CTNNA1: variants seen among roughly 807,000 people sequenced by gnomAD.
CTNNA1 encodes the protein catenin alpha 1, also known as catenin alpha-1.
CTNNA1 carries 37 observed loss-of-function variants against 98.4 expected under a neutral mutation model. The ratio of observed to expected loss-of-function variants is 0.38; its 90% CI spans 0.29 to 0.49. The LOEUF (loss-of-function observed/expected upper bound fraction) is 0.49, where lower values mean the gene tolerates loss of function less well. Among genes scored for constraint, CTNNA1 ranks in the 20% least tolerant of loss-of-function variants. The pLI is 0.95. For missense variants in CTNNA1, 761 were observed against 1,147.2 expected, an observed-to-expected ratio of 0.66 and a Z score of 4.86; for synonymous variants, 404 against 413.2, an observed-to-expected ratio of 0.98 and a Z score of 0.27.
At chr5:138,892,593 C>A (rs896934560) in intron 9 of CTNNA1, among the ~76,000 whole-genome samples, 2 of 151,834 alleles carry the variant, frequency 1.3e-5, no homozygotes, top group Non-Finnish European at 2.9e-5. Context: ...TCGCCCGCCT[C>A]GGCCTCCCAG....
intron 17 of CTNNA1, 31 bp downstream of exon 17, chr5:138,932,743 G>A (rs768900802): frequency 1.2e-6 from 2 of 1,613,428 alleles, no homozygotes; most frequent in South Asian, 2.2e-5. Context: ...AAGAGGGCCA[G>A]TGGGAACGTG....
rs1196121090 is a variant in CTNNA1, at chr5:138,824,756, G to A, written c.815G>A (p.Gly272Asp). 1 of 1,614,090 alleles carries A rather than the reference G, an allele frequency of 6.2e-7. No individual in the cohort carries two copies. Among genetic ancestry groups the A allele is most frequent in the African/African-American group, 1.3e-5 (1 of 74,944 alleles). ...TASDDASQHQ[G>D]GGGGELAYAL... Reference sequence around the variant, plus strand: ...TCAGACGATGCCTCACAGCACCAGGGTGGAGGAGGAGGAGAACTGGCATAT... The same window carrying A: ...TCAGACGATGCCTCACAGCACCAGGATGGAGGAGGAGGAGAACTGGCATAT... Residue 272 changes from glycine to aspartate, a missense_variant, in exon 6 of 18, where the codon GGT becomes GAT. By Grantham distance (94) the Gly-to-Asp change is moderately conservative (BLOSUM62 -1). Coordinates refer to ENST00000302763, the MANE Select transcript of CTNNA1 (RefSeq NM_001903.5).
Position 138,753,477 on chromosome 5 carries a change from C to G in CTNNA1, c.-36C>G. On this transcript the variant is annotated 5_prime_UTR_variant, in exon 1 of 18. Transcript: ENST00000302763. ...AAAGCAGCGCCCGTCTGCTTCGGGC[C>G]TCTGGAATTTAGCGCTCGCCCAGCT... The G allele has an allele frequency of 2.6e-6, 1 of 379,326 alleles. No homozygotes were observed. The highest frequency in any genetic ancestry group is 4.7e-6 in the Non-Finnish European group (1 of 213,416). The allele number at this position is 379,326 out of a possible 1,614,324, so 23.5% of individuals were successfully genotyped here.
At chr5:138,796,184 A>G (rs1323363014) in intron 3 of CTNNA1, among the ~76,000 whole-genome samples, 7 of 152,170 alleles carry the variant, frequency 4.6e-5, no homozygotes, top group Admixed American at 1.3e-4. Flanking sequence ...CACTTTTCAC[A>G]TTTTCAAAGG....
At chr5:138,870,568 A>G (rs1454232603) in intron 7 of CTNNA1, 1 of 152,192 alleles carries the variant, frequency 6.6e-6, no homozygotes, top group African/African-American at 2.4e-5. Context: ...ATGGTCCTTT[A>G]AGGATTAAGG....
chr5:138,893,351 CTCAGTGTCATCATGTTCGTTCCTA>C (rs1231799759), intron 9 of CTNNA1, among the ~76,000 whole-genome samples: 3 of 152,018 alleles, frequency 2.0e-5, no homozygotes, highest in African/African-American at 7.2e-5. Flanking sequence ...GGTGCTGCTG[CTCAGTGTCATCATGTTCGTTCCTA>C]TCAGCGTGGA....
intron 5 of CTNNA1, among the ~76,000 whole-genome samples, chr5:138,822,014 A>T (rs1760096826): frequency 6.6e-6 from 1 of 152,182 alleles, no homozygotes; most frequent in African/African-American, 2.4e-5. Context: ...TTCTAAAGAG[A>T]GAAAAAAGAA....
intron 3 of CTNNA1, among the ~76,000 whole-genome samples, chr5:138,784,060 C>G (rs1755418894): frequency 6.6e-6 from 1 of 152,194 alleles, no homozygotes; most frequent in South Asian, 2.1e-4. Context: ...AGATAAACTT[C>G]TTGAAACCTG....
At chr5:138,863,875 A>C (rs10042302) in intron 7 of CTNNA1, among the ~76,000 whole-genome samples, 3,482 of 152,278 alleles carry the variant, frequency 0.023, 136 homozygotes, top group African/African-American at 0.081. Context: ...AAATCATAGG[A>C]GTGTCGAAAC....
At chr5:138,773,014 T>C (rs62384267) in intron 1 of CTNNA1, among the ~76,000 whole-genome samples, 13,084 of 152,254 alleles carry the variant, frequency 0.086, 651 homozygotes, top group Non-Finnish European at 0.1. Flanking sequence ...GTGAAGTGAC[T>C]TAATCAAAAG....
At chr5:138,754,443 G>C (rs1340065217) in intron 1 of CTNNA1, 1 of 152,042 alleles carries the variant, frequency 6.6e-6, no homozygotes, top group Non-Finnish European at 1.5e-5. Flanking sequence ...TTTTTGGTGC[G>C]TGTGTTTTGT....
At chr5:138,836,370 A>C (rs888857456) in intron 7 of CTNNA1, among the ~76,000 whole-genome samples, 5 of 152,226 alleles carry the variant, frequency 3.3e-5, no homozygotes, top group African/African-American at 1.2e-4. Context: ...ATTTAATTTG[A>C]AAACACTTTG....
chr5:138,805,159 C>A (rs1757957976), intron 3 of CTNNA1, among the ~76,000 whole-genome samples: 2 of 152,150 alleles, frequency 1.3e-5, no homozygotes, highest in Non-Finnish European at 2.9e-5. Flanking sequence ...TGGTACTAAC[C>A]CATTCATGAG....
intron 7 of CTNNA1, among the ~76,000 whole-genome samples, chr5:138,854,215 T>C (rs774762440): frequency 6.6e-6 from 1 of 152,216 alleles, no homozygotes; most frequent in Non-Finnish European, 1.5e-5. Context: ...ATATACAAGT[T>C]TCTGAATGCA....
intron 11 of CTNNA1, among the ~76,000 whole-genome samples, chr5:138,923,941 G>A (rs1580849469): frequency 6.6e-6 from 1 of 152,198 alleles, no homozygotes; most frequent in South Asian, 2.1e-4. Flanking sequence ...GCCCATCTGT[G>A]TACCATGAAG....
intron 1 of CTNNA1, among the ~76,000 whole-genome samples, chr5:138,780,255 A>G (rs184505887): frequency 3.2e-4 from 48 of 151,754 alleles, no homozygotes; most frequent in South Asian, 4.1e-4. Context: ...CAGTGGCGCT[A>G]TCTCTGCTAC....
chr5:138,765,947 CAAAA>C (rs1026779147), intron 1 of CTNNA1, among the ~76,000 whole-genome samples: 229 of 48,478 alleles, frequency 4.7e-3, no homozygotes, highest in African/African-American at 0.012. Flanking sequence ...GACTCTGTCT[CAAAA>C]AAAAAAAAAA....
chr5:138,905,636 A>G (rs1305280266), intron 10 of CTNNA1, among the ~76,000 whole-genome samples: 4 of 152,194 alleles, frequency 2.6e-5, no homozygotes, highest in African/African-American at 7.2e-5. Flanking sequence ...CTGATGATGA[A>G]GCTGTGTTAC....
rs1359535340 is a variant in CTNNA1, at chr5:138,873,516, C to A, written c.1063-12696C>A. 6.2e-7 allele frequency: 1 copy of A among 1,614,022 alleles called. No individual in the cohort carries two copies. On this transcript the variant is annotated intron_variant, in intron 7 of 17. Transcript: ENST00000302763. This position sits in a 1 kb window ranked among gnomAD's most constrained non-coding sequence, Gnocchi z 6.1. ...AATCCATGGACTGCATCTAGAATAT[C>A]CTCTCCTTGGGTGTGGTCAGGACTG...
Sources: gnomAD v4.1 joint callset for allele counts (sites outside exome capture counted in the v4.1 genomes callset) on GRCh38, gnomAD v4.1.1 for gene constraint, Gnocchi (gnomAD v3.1) non-coding constraint, MANE v1.5 for transcripts, NCBI Gene and HGNC (gene_info 2026-07-23, HGNC 2026-07-21) for gene names.